BDNF: variants seen among roughly 807,000 people sequenced by gnomAD.
BDNF encodes the protein brain derived neurotrophic factor.
In BDNF, 1 loss-of-function variant was observed where a neutral mutation model predicts 19.5. That is an observed-to-expected ratio of 0.05 (90% CI 0.02 to 0.24). BDNF has a LOEUF of 0.24. BDNF is among the 10% of genes least tolerant of loss of function. The probability of loss-of-function intolerance (pLI) is 1.00; values close to 1 mark genes in which losing one functional copy is unlikely to be tolerated. For missense variants in BDNF, 195 were observed against 317.6 expected (o/e 0.61, Z 2.93); for synonymous variants, 100 against 121.6 (o/e 0.82, Z 1.17).
At chr11:27,665,154 A>G (rs1854096994) in intron 1 of BDNF, 1 of 152,226 alleles carries the variant, frequency 6.6e-6, no homozygotes, top group Admixed American at 6.5e-5. Context: ...AGATTTGACA[A>G]TGTTCTATCT....
intron 1 of BDNF, chr11:27,659,804 C>G: frequency 3.6e-6 from 2 of 557,508 alleles, no homozygotes; most frequent in Non-Finnish European, 2.3e-6. Context: ...TAATCTCTTC[C>G]TGTTTGCCAG....
chr11:27,718,421 G>A (rs1481789216), intron 1 of BDNF, among the ~76,000 whole-genome samples: 1 of 127,636 alleles, frequency 7.8e-6, no homozygotes, highest in East Asian at 2.3e-4. Context: ...CTGCAGATCC[G>A]TATTTAAAAC....
In BDNF at chr11:27,699,482, C is replaced by G; in HGVS notation, c.-22+682G>C. ...CCCGAAAGTCAAAACTCTTAACTTC[C>G]CTGGAGGGCGCTTCAGAAGAGGGGC... On this transcript the variant is annotated intron_variant, in intron 1 of 1. Coordinates refer to ENST00000356660, the MANE Select transcript of BDNF (RefSeq NM_001709.5). 3 of 1,614,030 alleles carry G rather than the reference C, an allele frequency of 1.9e-6. No homozygotes were observed. In the South Asian group the frequency reaches 3.3e-5, roughly 18 times the overall value.
At chr11:27,660,999 G>A (rs1422291198) in intron 1 of BDNF, among the ~76,000 whole-genome samples, 2 of 152,052 alleles carry the variant, frequency 1.3e-5, no homozygotes, top group Admixed American at 6.6e-5. Context: ...ATAACTTTAT[G>A]AGAAAAATAA....
intron 1 of BDNF, among the ~76,000 whole-genome samples, chr11:27,667,677 T>C (rs1197832837): frequency 6.6e-6 from 1 of 152,096 alleles, no homozygotes; most frequent in East Asian, 1.9e-4. Context: ...AAGAAGGCCA[T>C]TACATAATGA....
Position 27,700,453 on chromosome 11 carries a change from T to C in BDNF, c.-311A>G. 2.0e-6 allele frequency: 2 copies of C among 982,734 alleles called. No individual in the cohort carries two copies. Among genetic ancestry groups the C allele is most frequent in the Non-Finnish European group, 2.4e-6 (2 of 829,112 alleles). 60.9% of individuals were successfully genotyped at this position (982,734 alleles called of 1,614,324 possible). On this transcript the variant is annotated 5_prime_UTR_variant, in exon 1 of 2. Transcript: ENST00000356660. The stretch of plus-strand genomic sequence containing the variant: ...GCGTCGGGGACCCGGAGCTCCAGGC[T>C]GCGCCTTGCGCCCGGGTCAGACATT...
chr11:27,720,157 C>CT (rs910359248), intron 1 of BDNF, among the ~76,000 whole-genome samples: 3 of 152,084 alleles, frequency 2.0e-5, no homozygotes, highest in East Asian at 1.9e-4. Context: ...GACTGAGTTT[C>CT]TTTTTTTTCT....
chr11:27,698,247 A>AAAAAAAAAAAAAAAAAAAAAAC (rs1859394169), intron 1 of BDNF: 1 of 143,182 alleles, frequency 7.0e-6, no homozygotes, highest in East Asian at 2.0e-4. Context: ...AAAAAAAAAA[A>AAAAAAAAAAAAAAAAAAAAAAC]AAAAAAAAAG....
At chr11:27,668,979 T>G (rs1854853367) in intron 1 of BDNF, among the ~76,000 whole-genome samples, 1 of 152,150 alleles carries the variant, frequency 6.6e-6, no homozygotes, top group Admixed American at 6.5e-5. Context: ...CAGGCCAATA[T>G]CCCTGATGAA....
In BDNF at chr11:27,656,100, A is replaced by G. The variant is rs1280544009; in HGVS notation, c.*1721T>C. Reference sequence around the variant, plus strand: ...GTCTTGTCTCTGGACAAGATTTCCTATGGGTCCCCTTGATCATTCGGCCTG... The same window carrying G: ...GTCTTGTCTCTGGACAAGATTTCCTGTGGGTCCCCTTGATCATTCGGCCTG... On this transcript the variant is annotated 3_prime_UTR_variant, in exon 2 of 2. Coordinates refer to ENST00000356660, the MANE Select transcript of BDNF (RefSeq NM_001709.5). The G allele has an allele frequency of 2.0e-5, 3 of 152,140 alleles. No homozygotes were observed. The highest frequency in any genetic ancestry group is 6.5e-5 in the Admixed American group (1 of 15,278). 9.4% of individuals were successfully genotyped at this position (152,140 alleles called of 1,614,324 possible).
chr11:27,694,067 A>AT (rs1393208428), intron 1 of BDNF, among the ~76,000 whole-genome samples: 17 of 151,962 alleles, frequency 1.1e-4, no homozygotes, highest in East Asian at 3.9e-4. Flanking sequence ...TTATCATGCA[A>AT]TTTTTTCTCT....
chr11:27,714,929 T>C (rs777905553), intron 1 of BDNF, among the ~76,000 whole-genome samples: 26 of 152,226 alleles, frequency 1.7e-4, no homozygotes, highest in Non-Finnish European at 3.1e-4. Flanking sequence ...CACTGTGTTC[T>C]CTTGAAAAAA....
chr11:27,702,267 GT>G (rs1175735104), upstream of BDNF, among the ~76,000 whole-genome samples: 2 of 152,238 alleles, frequency 1.3e-5, no homozygotes, highest in Non-Finnish European at 2.9e-5. Context: ...ACCTGGGTGA[GT>G]GTTAAAATGA....
intron 1 of BDNF, among the ~76,000 whole-genome samples, chr11:27,699,043 G>A (rs1488513461): frequency 6.6e-6 from 1 of 152,086 alleles, no homozygotes; most frequent in Middle Eastern, 3.4e-3. Context: ...CCTCCTACCA[G>A]CTCTCTAAGG....
intron 1 of BDNF, among the ~76,000 whole-genome samples, chr11:27,712,977 G>A (rs902631673): frequency 6.3e-5 from 9 of 143,020 alleles, no homozygotes; most frequent in Admixed American, 1.5e-4. Flanking sequence ...GCATGATCTC[G>A]GCTTACTACA....
chr11:27,699,695 A>C (rs1173647357), intron 1 of BDNF: 10 of 1,399,770 alleles, frequency 7.1e-6, no homozygotes, highest in African/African-American at 1.4e-5. Context: ...ATGCGGGCTG[A>C]AGGCGCAAGC....
At position 27,678,194 on chromosome 11, in the gene BDNF, C is replaced by T. The variant is rs553004741; in HGVS notation, c.-21-19609G>A. 5.9e-4 allele frequency among the ~76,000 whole-genome samples: 90 copies of T among 152,306 alleles called. No homozygotes were observed. In the South Asian group the frequency reaches 0.011, roughly 18 times the overall value. ...CTGTAATATGATGAGGACACGTATA[C>T]ACACCCTGCCTAACTCACAGCATCA... On this transcript the variant is annotated intron_variant, in intron 1 of 1. Transcript: ENST00000356660.
intron 1 of BDNF, among the ~76,000 whole-genome samples, chr11:27,671,073 C>T (rs1488604667): frequency 1.3e-5 from 2 of 152,018 alleles, no homozygotes; most frequent in Admixed American, 6.6e-5. Context: ...AACCAAACAC[C>T]GCATGTTCTC....
chr11:27,659,731 C>T (rs1194242032), intron 1 of BDNF: 2 of 940,370 alleles, frequency 2.1e-6, no homozygotes, highest in Non-Finnish European at 2.6e-6. Flanking sequence ...GAATAGGCAG[C>T]TAGTGCTTCT....
Sources: allele counts gnomAD v4.1 joint callset (sites outside exome capture counted in the v4.1 genomes callset), GRCh38; gene constraint gnomAD v4.1.1; transcripts MANE v1.5; gene names NCBI Gene and HGNC (gene_info 2026-07-23, HGNC 2026-07-21).